Variants in RALGPS1 observed in about 807,000 individuals in gnomAD.
RALGPS1 encodes the protein ras-specific guanine nucleotide-releasing factor RalGPS1.
A neutral mutation model predicts 78.8 loss-of-function variants in RALGPS1; 19 were observed. The ratio of observed to expected loss-of-function variants is 0.24; its 90% CI spans 0.17 to 0.35. The LOEUF is 0.35. RALGPS1 is among the 10% of genes least tolerant of loss of function. RALGPS1 has a pLI of 1.00. For synonymous variants in RALGPS1, 228 were observed against 256.3 expected (o/e 0.89, Z 1.06); for missense variants, 454 against 688.3 (o/e 0.66, Z 3.81).
At chr9:127,110,648 CT>C (rs1284382261) in intron 8 of RALGPS1, among the ~76,000 whole-genome samples, 1 of 152,190 alleles carries the variant, frequency 6.6e-6, no homozygotes, top group East Asian at 1.9e-4. Flanking sequence ...TTCCCCGTAT[CT>C]CCAACCCAAC....
chr9:127,103,468 A>G (rs2053928719), intron 8 of RALGPS1, among the ~76,000 whole-genome samples: 1 of 152,234 alleles, frequency 6.6e-6, no homozygotes, highest in Admixed American at 6.5e-5. Context: ...ACACTTAGCT[A>G]TATGTTGAAA....
intron 11 of RALGPS1, among the ~76,000 whole-genome samples, chr9:127,189,624 C>G (rs182034577): frequency 6.6e-6 from 1 of 152,180 alleles, no homozygotes; most frequent in Non-Finnish European, 1.5e-5. Context: ...ACAAATGATA[C>G]AAGTTGGGTG....
Position 127,219,305 on chromosome 9 carries a change from A to C in RALGPS1, c.*536A>C, listed in dbSNP as rs1053596497. On this transcript the variant is annotated 3_prime_UTR_variant, in exon 19 of 19. Transcript: ENST00000259351. The surrounding 1 kb of genome is among the most constrained non-coding windows in gnomAD (Gnocchi z 5.0). ...AGTGTGAACTCTTCAAGAAACATGC[A>C]TTTTGGCACAAGACTCGTGACATCA... 3 of 157,054 alleles carry C rather than the reference A, an allele frequency of 1.9e-5. No homozygotes were observed. The highest frequency in any genetic ancestry group is 7.2e-5 in the African/African-American group (3 of 41,432). The allele number at this position is 157,054 out of a possible 1,614,324, so 9.7% of individuals were successfully genotyped here. A position where few individuals can be genotyped will look rare whatever the true frequency, so the allele number is the denominator to read the frequency against.
intron 4 of RALGPS1, among the ~76,000 whole-genome samples, chr9:127,031,922 T>C (rs1266091395): frequency 6.6e-6 from 1 of 152,238 alleles, no homozygotes; most frequent in East Asian, 1.9e-4. Flanking sequence ...AACTGGTTCT[T>C]GCCTGCATGA....
At chr9:127,104,897 A>G (rs2054069952) in intron 8 of RALGPS1, among the ~76,000 whole-genome samples, 1 of 152,198 alleles carries the variant, frequency 6.6e-6, no homozygotes. Flanking sequence ...AGCACAGAAG[A>G]GTGTTTTGTC....
intron 8 of RALGPS1, among the ~76,000 whole-genome samples, chr9:127,098,161 T>A (rs2053344037): frequency 6.6e-6 from 1 of 152,258 alleles, no homozygotes. Context: ...CATGTATTTT[T>A]AAGTCAGAAT....
intron 4 of RALGPS1, among the ~76,000 whole-genome samples, chr9:127,009,271 A>G (rs1040157453): frequency 5.3e-5 from 8 of 152,282 alleles, no homozygotes; most frequent in African/African-American, 1.9e-4. Flanking sequence ...AGCCTCTTCC[A>G]GCTTTCCCCT....
intron 10 of RALGPS1, among the ~76,000 whole-genome samples, chr9:127,173,111 C>T (rs1355781126): frequency 6.6e-6 from 1 of 152,200 alleles, no homozygotes; most frequent in Non-Finnish European, 1.5e-5. Context: ...AAGGCTCAGG[C>T]TCTGTGGAGG....
At chr9:127,056,474 G>A (rs1316709442) in intron 7 of RALGPS1, among the ~76,000 whole-genome samples, 4 of 152,174 alleles carry the variant, frequency 2.6e-5, no homozygotes, top group African/African-American at 9.7e-5. Context: ...CTTTGTTTTA[G>A]ATCAGACTCT....
chr9:127,057,390 C>T (rs1373925860), intron 7 of RALGPS1, among the ~76,000 whole-genome samples: 2 of 152,202 alleles, frequency 1.3e-5, no homozygotes, highest in Non-Finnish European at 2.9e-5. Flanking sequence ...TGCCACTTGG[C>T]TGCATCACGG....
intron 1 of RALGPS1, among the ~76,000 whole-genome samples, chr9:126,919,318 A>G (rs2034514457): frequency 6.6e-6 from 1 of 152,338 alleles, no homozygotes; most frequent in African/African-American, 2.4e-5. Flanking sequence ...GTCATTGTTT[A>G]GAAGACTAAC....
intron 1 of RALGPS1, among the ~76,000 whole-genome samples, chr9:126,936,667 G>C (rs1411189262): frequency 6.6e-6 from 1 of 152,056 alleles, no homozygotes; most frequent in East Asian, 1.9e-4. Context: ...TATATACCCA[G>C]CCAAGATGTC....
intron 1 of RALGPS1, among the ~76,000 whole-genome samples, chr9:126,954,523 A>G (rs2038164638): frequency 6.6e-6 from 1 of 152,204 alleles, no homozygotes; most frequent in South Asian, 2.1e-4. Flanking sequence ...ATGGTGGCTT[A>G]TGCCTGTAAT....
At chr9:127,105,054 C>G (rs1351161228) in intron 8 of RALGPS1, among the ~76,000 whole-genome samples, 1 of 152,172 alleles carries the variant, frequency 6.6e-6, no homozygotes, top group Non-Finnish European at 1.5e-5. Context: ...GGGCAGGACC[C>G]TCCCCCAGCT....
intron 11 of RALGPS1, among the ~76,000 whole-genome samples, chr9:127,182,640 G>T (rs191031512): frequency 6.6e-6 from 1 of 152,074 alleles, no homozygotes. Context: ...TGTTGGCCAG[G>T]CTGCTCTTGA....
chr9:127,136,631 C>T (rs1013869542), intron 8 of RALGPS1, among the ~76,000 whole-genome samples: 14 of 152,270 alleles, frequency 9.2e-5, no homozygotes, highest in East Asian at 3.9e-4. Flanking sequence ...AGCAGAAGCA[C>T]GTGGAGTCCT....
intron 1 of RALGPS1, among the ~76,000 whole-genome samples, chr9:126,945,828 G>A (rs201158302): frequency 2.0e-5 from 3 of 152,192 alleles, no homozygotes; most frequent in Non-Finnish European, 2.9e-5. Context: ...TGATAAGGTC[G>A]TTCCCTGGGG....
At chr9:127,135,846 A>T (rs2057359305) in intron 8 of RALGPS1, among the ~76,000 whole-genome samples, 1 of 152,224 alleles carries the variant, frequency 6.6e-6, no homozygotes, top group Admixed American at 6.5e-5. Context: ...AACAAAGATG[A>T]ACTTTGAATT....
chr9:127,013,332 A>G (rs2044523491), intron 4 of RALGPS1, among the ~76,000 whole-genome samples: 1 of 152,168 alleles, frequency 6.6e-6, no homozygotes, highest in African/African-American at 2.4e-5. Flanking sequence ...GAAGCTGAAC[A>G]GGTGGAAGCC....
Sources: gnomAD v4.1 joint callset for allele counts (sites outside exome capture counted in the v4.1 genomes callset) on GRCh38, gnomAD v4.1.1 for gene constraint, Gnocchi (gnomAD v3.1) non-coding constraint, MANE v1.5 for transcripts, NCBI Gene and HGNC (gene_info 2026-07-23, HGNC 2026-07-21) for gene names.